Variants in RNF2 observed in about 807,000 individuals in gnomAD.
RNF2 encodes the protein E3 ubiquitin-protein ligase RING2.
In RNF2, 6 loss-of-function variants were observed where a neutral mutation model predicts 37.2. The ratio of observed to expected loss-of-function variants is 0.16; its 90% confidence interval spans 0.09 to 0.32. RNF2 has a LOEUF of 0.32. Among genes scored for constraint, RNF2 ranks in the 10% least tolerant of loss-of-function variants. The pLI is 1.00. For synonymous variants in RNF2, 133 were observed against 132.7 expected (o/e 1.00, Z -0.02); for missense variants, 251 against 404.0 (o/e 0.62, Z 3.25).
At chr1:185,055,183 T>C (rs886849168) in intron 1 of RNF2, among the ~76,000 whole-genome samples, 1 of 152,172 alleles carries the variant, frequency 6.6e-6, no homozygotes, top group Non-Finnish European at 1.5e-5. Flanking sequence ...GGACCAGAAG[T>C]ATTTTGGATT....
intron 2 of RNF2, 23 bp from the exon 3 acceptor site, chr1:185,091,550 CTTTTAA>C (rs1422808255): frequency 6.2e-7 from 1 of 1,602,672 alleles, no homozygotes; most frequent in African/African-American, 1.3e-5. Context: ...AATTAAGTAG[CTTTTAA>C]TTTTAAAGTG....
chr1:185,086,811 G>T (rs1183548950), intron 1 of RNF2, among the ~76,000 whole-genome samples: 2 of 152,138 alleles, frequency 1.3e-5, no homozygotes, highest in African/African-American at 4.8e-5. Context: ...TTTTAACTTG[G>T]ACAGCATTGG....
At chr1:185,095,888 A>C (rs549366584) in intron 4 of RNF2, among the ~76,000 whole-genome samples, 1 of 152,158 alleles carries the variant, frequency 6.6e-6, no homozygotes, top group Non-Finnish European at 1.5e-5. Flanking sequence ...TTTGTTCCTC[A>C]TATGACACTC....
At chr1:185,059,500 T>A (rs529112304) in intron 1 of RNF2, among the ~76,000 whole-genome samples, 1 of 152,028 alleles carries the variant, frequency 6.6e-6, no homozygotes, top group African/African-American at 2.4e-5. Context: ...AAATTAGTGT[T>A]ATCTCTAATC....
intron 1 of RNF2, among the ~76,000 whole-genome samples, chr1:185,082,489 A>G (rs932860832): frequency 6.6e-6 from 1 of 151,534 alleles, no homozygotes. Context: ...AGCTGGGATT[A>G]CAGGCACATG....
In RNF2 at chr1:185,046,607, A is replaced by G. The variant is rs148175628; in HGVS notation, c.-3+958A>G. 1.9e-4 allele frequency among the ~76,000 whole-genome samples: 29 copies of G among 152,250 alleles called. 1 individual carries two copies. The East Asian group carries it at 5.6e-3, about 29-fold the overall frequency. On this transcript the variant is annotated intron_variant, in intron 1 of 6. Coordinates refer to ENST00000367510, the MANE Select transcript of RNF2 (RefSeq NM_007212.4). ...TTCGAGGCTGTCGGAAGTTTTAGAG[A>G]ATGTAACTTTACATTGTAAAATGAT... is the stretch of plus-strand genomic sequence containing the variant.
intron 1 of RNF2, among the ~76,000 whole-genome samples, chr1:185,073,754 C>G (rs1651057638): frequency 6.6e-6 from 1 of 152,200 alleles, no homozygotes; most frequent in Non-Finnish European, 1.5e-5. Flanking sequence ...AAGGGAAATG[C>G]ATCTACTTCT....
At chr1:185,074,248 A>G (rs1372928964) in intron 1 of RNF2, among the ~76,000 whole-genome samples, 1 of 152,202 alleles carries the variant, frequency 6.6e-6, no homozygotes. Context: ...ATCATTTAAA[A>G]ATTTAATGGA....
At chr1:185,067,705 A>G (rs1571303638) in intron 1 of RNF2, among the ~76,000 whole-genome samples, 1 of 140,592 alleles carries the variant, frequency 7.1e-6, no homozygotes, top group African/African-American at 2.7e-5. Flanking sequence ...ATTTAAAAGT[A>G]TCCTTTTTTT....
intron 1 of RNF2, among the ~76,000 whole-genome samples, chr1:185,072,654 G>T (rs1466145454): frequency 6.6e-6 from 1 of 151,996 alleles, no homozygotes; most frequent in African/African-American, 2.4e-5. Context: ...TGGCAGATGT[G>T]GCTAAAACAT....
chr1:185,097,437 A>G (rs1415851167), intron 4 of RNF2, among the ~76,000 whole-genome samples: 1 of 152,240 alleles, frequency 6.6e-6, no homozygotes, highest in Non-Finnish European at 1.5e-5. Context: ...TTACATTTTC[A>G]TATTTGAATC....
At chr1:185,053,300 T>C (rs1042571371) in intron 1 of RNF2, among the ~76,000 whole-genome samples, 1 of 152,120 alleles carries the variant, frequency 6.6e-6, no homozygotes, top group Non-Finnish European at 1.5e-5. Context: ...ACTCCTGTCA[T>C]TATTTTCTCA....
chr1:185,085,848 C>T (rs147786309), intron 1 of RNF2, among the ~76,000 whole-genome samples: 17 of 152,174 alleles, frequency 1.1e-4, no homozygotes, highest in African/African-American at 3.9e-4. Context: ...GAGACGGTTT[C>T]ACCATGTTGG....
intron 1 of RNF2, among the ~76,000 whole-genome samples, chr1:185,082,345 C>CCTT (rs1651442966): frequency 2.8e-5 from 2 of 72,000 alleles, no homozygotes; most frequent in African/African-American, 4.3e-5. Context: ...CTCTGCAGAA[C>CCTT]TTTTTTTTTT....
chr1:185,077,710 G>GTT (rs1246217141), intron 1 of RNF2, among the ~76,000 whole-genome samples: 1 of 108,758 alleles, frequency 9.2e-6, no homozygotes, highest in African/African-American at 3.6e-5. Context: ...AATCTGTTTT[G>GTT]TTTTGTTTTT....
At chr1:185,092,422 G>A (rs888518283) in intron 3 of RNF2, among the ~76,000 whole-genome samples, 2 of 152,052 alleles carry the variant, frequency 1.3e-5, no homozygotes, top group African/African-American at 2.4e-5. Flanking sequence ...TGATCCACCC[G>A]CCTCGGCCTC....
At chr1:185,071,536 G>A (rs559282075) in intron 1 of RNF2, 1 of 152,544 alleles carries the variant, frequency 6.6e-6, no homozygotes, top group Non-Finnish European at 1.5e-5. Context: ...TGCGTTTAGA[G>A]TCCCGAGATT....
chr1:185,096,947 G>C (rs1257466872), intron 4 of RNF2, among the ~76,000 whole-genome samples: 1 of 151,438 alleles, frequency 6.6e-6, no homozygotes, highest in Non-Finnish European at 1.5e-5. Context: ...ACAAGTGCAA[G>C]GCATTCTTTC....
intron 1 of RNF2, among the ~76,000 whole-genome samples, chr1:185,087,187 A>G (rs1183734244): frequency 6.6e-6 from 1 of 152,226 alleles, no homozygotes; most frequent in Non-Finnish European, 1.5e-5. Flanking sequence ...GCTATAAAAA[A>G]TACTTTAGGC....
Sources: gnomAD v4.1 joint callset for allele counts (sites outside exome capture counted in the v4.1 genomes callset) on GRCh38, gnomAD v4.1.1 for gene constraint, MANE v1.5 for transcripts, NCBI Gene and HGNC (gene_info 2026-07-23, HGNC 2026-07-21) for gene names.